Variants in GRIA2 observed in about 807,000 individuals in gnomAD.
GRIA2 encodes the protein glutamate ionotropic receptor AMPA type subunit 2, also known as glutamate receptor 2.
Under a neutral mutation model 97.3 loss-of-function variants are expected in GRIA2, and 14 were observed. The observed-to-expected ratio is 0.14, with a 90% confidence interval of 0.10 to 0.23. GRIA2 has a LOEUF of 0.23. Among genes scored for constraint, GRIA2 ranks in the 10% least tolerant of loss-of-function variants. The probability of loss-of-function intolerance (pLI) is 1.00; values close to 1 mark genes in which losing one functional copy is unlikely to be tolerated. For missense variants in GRIA2, 558 were observed against 1,069.8 expected, an observed-to-expected ratio of 0.52 and a Z score of 6.67; for synonymous variants, 412 against 387.8, an observed-to-expected ratio of 1.06 and a Z score of -0.73.
chr4:157,308,685 C>T (rs1733945428), intron 3 of GRIA2, among the ~76,000 whole-genome samples: 1 of 152,048 alleles, frequency 6.6e-6, no homozygotes, highest in African/African-American at 2.4e-5. Flanking sequence ...TGCAGAACTC[C>T]CATTGTCTAT....
intron 12 of GRIA2, chr4:157,342,514 C>CT (rs1409751041): frequency 2.0e-5 from 18 of 896,586 alleles, no homozygotes; most frequent in Non-Finnish European, 2.1e-5. Flanking sequence ...CCATCAGCAG[C>CT]TTTTTTTACT....
chr4:157,244,629 T>C (rs953907105), intron 2 of GRIA2, among the ~76,000 whole-genome samples: 10 of 152,158 alleles, frequency 6.6e-5, no homozygotes, highest in African/African-American at 2.4e-4. Flanking sequence ...GTTTGTTGTG[T>C]TGTGGATTGT....
At chr4:157,285,435 C>A (rs1179293370) in intron 2 of GRIA2, among the ~76,000 whole-genome samples, 2 of 151,294 alleles carry the variant, frequency 1.3e-5, no homozygotes, top group African/African-American at 4.8e-5. Context: ...ATGGTTTCTG[C>A]TCCCTGTGTC....
chr4:157,303,518 T>A, intron 2 of GRIA2, 34 bp from the exon 3 acceptor site: 1 of 1,596,618 alleles, frequency 6.3e-7, no homozygotes, highest in Non-Finnish European at 8.6e-7. Context: ...CCAATTTCAA[T>A]GATTTTTCCT....
chr4:157,355,698 A>G (rs1420846583), intron 12 of GRIA2, among the ~76,000 whole-genome samples: 1 of 116,284 alleles, frequency 8.6e-6, no homozygotes, highest in Non-Finnish European at 1.6e-5. Flanking sequence ...ATTTATTTAT[A>G]TATATTTGTA....
At chr4:157,256,616 C>T (rs901308244) in intron 2 of GRIA2, among the ~76,000 whole-genome samples, 2 of 151,786 alleles carry the variant, frequency 1.3e-5, no homozygotes, top group Admixed American at 1.3e-4. Flanking sequence ...ACACAAATGC[C>T]AACTCTTTCC....
intron 2 of GRIA2, among the ~76,000 whole-genome samples, chr4:157,254,065 A>G (rs1731133689): frequency 6.6e-6 from 1 of 152,040 alleles, no homozygotes. Flanking sequence ...TTAGACTAAA[A>G]ATGAGAGACA....
At chr4:157,265,983 G>A (rs890406326) in intron 2 of GRIA2, among the ~76,000 whole-genome samples, 2 of 152,110 alleles carry the variant, frequency 1.3e-5, no homozygotes, top group African/African-American at 4.8e-5. Flanking sequence ...ATATTGTTCA[G>A]AAGGCATATT....
intron 4 of GRIA2, among the ~76,000 whole-genome samples, chr4:157,313,947 A>C (rs935616835): frequency 1.3e-5 from 2 of 152,184 alleles, no homozygotes; most frequent in Non-Finnish European, 2.9e-5. Context: ...TGTTATTTAG[A>C]AAATCATAAG....
At chr4:157,360,331 T>A (rs1018512238) in intron 13 of GRIA2, among the ~76,000 whole-genome samples, 188 bp downstream of exon 13, 8 of 152,176 alleles carry the variant, frequency 5.3e-5, no homozygotes, top group African/African-American at 1.9e-4. Flanking sequence ...TGACAGGATT[T>A]TGTTTTGTTT....
chr4:157,256,948 A>G (rs1731304430), intron 2 of GRIA2, among the ~76,000 whole-genome samples: 1 of 152,030 alleles, frequency 6.6e-6, no homozygotes, highest in Non-Finnish European at 1.5e-5. Flanking sequence ...ATAGGATTAA[A>G]TTACAGGTCA....
chr4:157,221,898 G>T lies in GRIA2; in HGVS notation c.229+91G>T, dbSNP rs1729514083. The T allele has an allele frequency of 9.2e-6, 11 of 1,193,246 alleles. No homozygotes were observed. In the South Asian group the frequency reaches 1.5e-4, roughly 16 times the overall value. 73.9% of individuals were successfully genotyped at this position (1,193,246 alleles called of 1,614,324 possible). A position where few individuals can be genotyped will look rare whatever the true frequency, so the allele number is the denominator to read the frequency against. On this transcript the variant is annotated intron_variant, in intron 2 of 15. Transcript: ENST00000264426. ...TGTGCGTTTCTGGGGTGGTGTGTGTGCGTTTCTGTGTGTCAGTGTGTGGGT... is the reference window on the plus strand; with the variant it reads ...TGTGCGTTTCTGGGGTGGTGTGTGTTCGTTTCTGTGTGTCAGTGTGTGGGT...
chr4:157,258,665 C>T (rs1029441816), intron 2 of GRIA2, among the ~76,000 whole-genome samples: 1 of 152,060 alleles, frequency 6.6e-6, no homozygotes, highest in South Asian at 2.1e-4. Context: ...TACACTCCCT[C>T]CCCTTTTGAA....
intron 2 of GRIA2, among the ~76,000 whole-genome samples, chr4:157,301,204 G>T (rs1045221623): frequency 1.3e-5 from 2 of 152,138 alleles, no homozygotes; most frequent in African/African-American, 2.4e-5. Flanking sequence ...AGATATACCT[G>T]TCAGTACACA....
Position 157,332,827 on chromosome 4 carries a change from T to G in GRIA2, c.891T>G (p.Ser297=). 6.2e-7 allele frequency: 1 copy of G among 1,611,456 alleles called. No individual in the cohort carries two copies. Among genetic ancestry groups the G allele is most frequent in the Non-Finnish European group, 8.5e-7 (1 of 1,178,230 alleles). ...TGTGTGATCCTTTGCAGTATACTTC[T>G]GCTCTGACCTATGATGCCGTTCAAG... The part of the protein sequence containing the change: ...GAHTTTIKYT[S]ALTYDAVQVM... The change falls in exon 7 of 16, where the codon TCT becomes TCG. Residue 297 remains serine (S), a synonymous_variant. Transcript: ENST00000264426.
intron 12 of GRIA2, among the ~76,000 whole-genome samples, chr4:157,350,718 G>A (rs962491681): frequency 6.6e-6 from 1 of 151,792 alleles, no homozygotes; most frequent in East Asian, 1.9e-4. Flanking sequence ...CTGTTATCTA[G>A]ACTCTATAAT....
intron 2 of GRIA2, among the ~76,000 whole-genome samples, chr4:157,271,136 T>C (rs927436743): frequency 2.0e-5 from 3 of 152,068 alleles, no homozygotes; most frequent in Non-Finnish European, 4.4e-5. Context: ...TTTTTCTGTT[T>C]TTTTACTCAA....
At chr4:157,255,474 A>C (rs967663498) in intron 2 of GRIA2, among the ~76,000 whole-genome samples, 2 of 152,002 alleles carry the variant, frequency 1.3e-5, no homozygotes, top group African/African-American at 4.8e-5. Context: ...TATTTGAGAA[A>C]TCTCCATACT....
At chr4:157,246,854 T>TA (rs1322733422) in intron 2 of GRIA2, among the ~76,000 whole-genome samples, 1 of 152,188 alleles carries the variant, frequency 6.6e-6, no homozygotes, top group African/African-American at 2.4e-5. Context: ...CATACTCAGA[T>TA]ACACATGTAT....
Sources: allele counts gnomAD v4.1 joint callset (sites outside exome capture counted in the v4.1 genomes callset), GRCh38; gene constraint gnomAD v4.1.1; transcripts MANE v1.5; gene names NCBI Gene and HGNC (gene_info 2026-07-23, HGNC 2026-07-21).